Variants in PCDHGB3 observed in about 807,000 individuals in gnomAD.
The protein encoded by PCDHGB3 is protocadherin gamma subfamily B, 3.
Under a neutral mutation model 59.2 loss-of-function variants are expected in PCDHGB3, and 40 were observed. The ratio of observed to expected loss-of-function variants is 0.68; its 90% confidence interval spans 0.52 to 0.88. The LOEUF is 0.88. PCDHGB3 is among the 40% of genes least tolerant of loss of function. The probability of loss-of-function intolerance (pLI) is 0.00; values close to 1 mark genes in which losing one functional copy is unlikely to be tolerated. For missense variants in PCDHGB3, 1,309 were observed against 1,187.9 expected (o/e 1.10, Z -1.50); for synonymous variants, 581 against 503.6 (o/e 1.15, Z -2.06).
rs1591094034 is a variant in PCDHGB3 at position 141,431,659 on chromosome 5, A to T, written c.2415+58850A>T. 3.7e-6 allele frequency: 6 copies of T among 1,614,246 alleles called. No individual in the cohort carries two copies. The highest frequency in any genetic ancestry group is 3.4e-6 in the Non-Finnish European group (4 of 1,180,036). On this transcript the variant is annotated intron_variant, in intron 1 of 3. Coordinates refer to ENST00000576222, the MANE Select transcript of PCDHGB3 (RefSeq NM_018924.5). This position sits in a 1 kb window ranked among gnomAD's most constrained non-coding sequence, Gnocchi z 4.8. ...TCAAACTAGATTGTAATTCAGGGAC[A>T]ATATCAACAATAGGGGAGTTGGACC...
At chr5:141,465,867 A>G (rs1049493106) in intron 1 of PCDHGB3, among the ~76,000 whole-genome samples, 5 of 152,040 alleles carry the variant, frequency 3.3e-5, no homozygotes, top group African/African-American at 9.7e-5. Context: ...TCATGCCTGT[A>G]ATCCCAGCAC....
rs754537015 is a variant in PCDHGB3 at position 141,431,184 on chromosome 5, T to C, written c.2415+58375T>C. The C allele has an allele frequency of 2.5e-6, 4 of 1,614,090 alleles. No individual in the cohort carries two copies. In the South Asian group the frequency reaches 3.3e-5, roughly 13 times the overall value. ...CGTGAAAGTGAATTAGAAATAAAAATTAGTGAAAATGCAGCCACTGAGATG... is the reference window on the plus strand; with the variant it reads ...CGTGAAAGTGAATTAGAAATAAAAACTAGTGAAAATGCAGCCACTGAGATG... On this transcript the variant is annotated intron_variant, in intron 1 of 3. Coordinates refer to ENST00000576222, the MANE Select transcript of PCDHGB3 (RefSeq NM_018924.5). This position sits in a 1 kb window ranked among gnomAD's most constrained non-coding sequence, Gnocchi z 4.8.
chr5:141,432,079 G>A lies in PCDHGB3; in HGVS notation c.2415+59270G>A, dbSNP rs138510025. On this transcript the variant is annotated intron_variant, in intron 1 of 3. Transcript: ENST00000576222. The surrounding 1 kb of genome is among the most constrained non-coding windows in gnomAD (Gnocchi z 6.0). ...TATCCACGGAAACTCATATCTCGCT[G>A]AACGTGGCAGACACCAACGACAACC... 1.6e-4 allele frequency: 252 copies of A among 1,614,054 alleles called. No homozygotes were observed. The highest frequency in any genetic ancestry group is 8.1e-5 in the Non-Finnish European group (96 of 1,180,048).
In PCDHGB3 at chr5:141,432,513, G is replaced by T. The variant is rs755227021; in HGVS notation, c.2415+59704G>T. On this transcript the variant is annotated intron_variant, in intron 1 of 3. Coordinates refer to ENST00000576222, the MANE Select transcript of PCDHGB3 (RefSeq NM_018924.5). The surrounding 1 kb of genome is among the most constrained non-coding windows in gnomAD (Gnocchi z 6.0). ...CTGGCTCCCCGCTCCGCAGAGCCCG[G>T]CTACCTGGTGACCAAGGTGGTGGCG... The T allele has an allele frequency of 3.1e-6, 5 of 1,614,102 alleles. No individual in the cohort carries two copies. Among genetic ancestry groups the T allele is most frequent in the African/African-American group, 2.7e-5 (2 of 75,062 alleles).
chr5:141,410,318 G>C, intron 1 of PCDHGB3: 6 of 1,613,982 alleles, frequency 3.7e-6, no homozygotes, highest in Non-Finnish European at 5.1e-6. Context: ...CTTCCTCCTC[G>C]CCGTGATTCT....
At position 141,397,472 on chromosome 5, in the gene PCDHGB3, A is replaced by T. The variant is rs548612657; in HGVS notation, c.2415+24663A>T. 6.6e-4 allele frequency among the ~76,000 whole-genome samples: 100 copies of T among 152,362 alleles called. 1 individual carries two copies. Among genetic ancestry groups the T allele is most frequent in the African/African-American group, 2.4e-3 (99 of 41,586 alleles). ...AACACTAGAAATATTGGGGAGTTGG[A>T]AATCATAGAAATGAACAGAAGAATG... On this transcript the variant is annotated intron_variant, in intron 1 of 3. Coordinates refer to ENST00000576222, the MANE Select transcript of PCDHGB3 (RefSeq NM_018924.5).
chr5:141,450,092 C>T (rs761677942), intron 1 of PCDHGB3, among the ~76,000 whole-genome samples: 2 of 148,672 alleles, frequency 1.3e-5, no homozygotes, highest in Non-Finnish European at 3.0e-5. Flanking sequence ...CTGCAACCTC[C>T]GCCTCCCAGG....
chr5:141,432,589 G>T lies in PCDHGB3; in HGVS notation c.2415+59780G>T. ...CCTGGCTGTCCTACCGTCTGCTCAA[G>T]GCCAGCGAGCCGGGACTCTTCTCGG... On this transcript the variant is annotated intron_variant, in intron 1 of 3. Transcript: ENST00000576222. The surrounding 1 kb of genome is among the most constrained non-coding windows in gnomAD (Gnocchi z 6.0). 1 of 1,613,916 alleles carries T rather than the reference G, an allele frequency of 6.2e-7. No individual in the cohort carries two copies. Among genetic ancestry groups the T allele is most frequent in the Non-Finnish European group, 8.5e-7 (1 of 1,179,974 alleles).
rs528069305 is a variant in PCDHGB3, at chr5:141,457,143, T to A, written c.2416-37664T>A. Among the ~76,000 whole-genome samples the A allele has an allele frequency of 5.3e-5, 8 of 152,334 alleles. No homozygotes were observed. In the South Asian group the frequency reaches 1.5e-3, roughly 28 times the overall value. On this transcript the variant is annotated intron_variant, in intron 1 of 3. Transcript: ENST00000576222. ...ATGGAAACTCTGTCCAATATTTCAG[T>A]TAGAAGGTGCTACCATGGATAACCC...
At chr5:141,508,096 G>A (rs1489615862) in intron 3 of PCDHGB3, 1 of 152,476 alleles carries the variant, frequency 6.6e-6, no homozygotes, top group African/African-American at 2.4e-5. Context: ...CCTTGGCCCT[G>A]GGATGGGGTA....
At chr5:141,459,218 C>T (rs2098963524) in intron 1 of PCDHGB3, among the ~76,000 whole-genome samples, 1 of 152,220 alleles carries the variant, frequency 6.6e-6, no homozygotes, top group South Asian at 2.1e-4. Context: ...TTCTCCAGCT[C>T]CAGGCAACAA....
rs779317191 is a variant in PCDHGB3, at chr5:141,432,553, C to G, written c.2415+59744C>G. The G allele has an allele frequency of 2.6e-5, 42 of 1,613,748 alleles. No individual in the cohort carries two copies. The highest frequency in any genetic ancestry group is 2.0e-4 in the South Asian group (18 of 91,068). The stretch of plus-strand genomic sequence containing the variant: ...AGGTGGTGGCGGTGGACAGAGACTC[C>G]GGCCAGAACGCCTGGCTGTCCTACC... On this transcript the variant is annotated intron_variant, in intron 1 of 3. Coordinates refer to ENST00000576222, the MANE Select transcript of PCDHGB3 (RefSeq NM_018924.5). The surrounding 1 kb of genome is among the most constrained non-coding windows in gnomAD (Gnocchi z 6.0).
chr5:141,491,901 G>C lies in PCDHGB3; in HGVS notation c.2416-2906G>C, dbSNP rs1196717010. 1 of 1,429,696 alleles carries C rather than the reference G, an allele frequency of 7.0e-7. No homozygotes were observed. The highest frequency in any genetic ancestry group is 9.3e-7 in the Non-Finnish European group (1 of 1,080,148). 88.6% of individuals were successfully genotyped at this position (1,429,696 alleles called of 1,614,324 possible). ...AAGGGATGGGGCTCCGAGCACCGGG[G>C]GTGGTGGCGACTGTGGGCGAGGGGA... On this transcript the variant is annotated intron_variant, in intron 1 of 3. Transcript: ENST00000576222. The surrounding 1 kb of genome is among the most constrained non-coding windows in gnomAD (Gnocchi z 6.9).
At chr5:141,389,998 T>C (rs755639909) in intron 1 of PCDHGB3, 1 of 1,614,046 alleles carries the variant, frequency 6.2e-7, no homozygotes, top group East Asian at 2.2e-5. Context: ...CTCGTGGCCA[T>C]GATTCTGGCC....
chr5:141,431,325 G>C lies in PCDHGB3; in HGVS notation c.2415+58516G>C, dbSNP rs772252181. On this transcript the variant is annotated intron_variant, in intron 1 of 3. Coordinates refer to ENST00000576222, the MANE Select transcript of PCDHGB3 (RefSeq NM_018924.5). The surrounding 1 kb of genome is among the most constrained non-coding windows in gnomAD (Gnocchi z 4.8). Reference sequence around the variant, plus strand: ...ATCGTGCAAAATGGAGCCGACGGTAGTAAGTACCCCGAATTGGTGCTGAAA... The same window carrying C: ...ATCGTGCAAAATGGAGCCGACGGTACTAAGTACCCCGAATTGGTGCTGAAA... 4.3e-6 allele frequency: 7 copies of C among 1,614,144 alleles called. No individual in the cohort carries two copies. In the Admixed American group the frequency reaches 8.3e-5, roughly 19 times the overall value.
At chr5:141,463,629 GTT>G (rs923584581) in intron 1 of PCDHGB3, among the ~76,000 whole-genome samples, 5 of 151,314 alleles carry the variant, frequency 3.3e-5, no homozygotes, top group Middle Eastern at 3.4e-3. Flanking sequence ...TTTGTATTTT[GTT>G]TAGTAGAGAC....
intron 1 of PCDHGB3, chr5:141,384,170 C>A: frequency 6.2e-7 from 1 of 1,613,736 alleles, no homozygotes; most frequent in Non-Finnish European, 8.5e-7. Flanking sequence ...ACACTGAAAG[C>A]CACAGATGGT....
intron 1 of PCDHGB3, chr5:141,392,605 C>CAA: frequency 1.9e-6 from 1 of 514,610 alleles, no homozygotes; most frequent in Non-Finnish European, 3.4e-6. Context: ...TACTGGAAGA[C>CAA]AAATGCAACC....
chr5:141,468,222 G>A lies in PCDHGB3; in HGVS notation c.2416-26585G>A, dbSNP rs560663102. 2.6e-3 allele frequency among the ~76,000 whole-genome samples: 401 copies of A among 151,572 alleles called. 2 individuals are homozygous for A. Among genetic ancestry groups the A allele is most frequent in the South Asian group, 0.02 (97 of 4,782 alleles). ...TGCCTGTAATTCCAGCTACTTGGGA[G>A]GATGAGGTAGGAGAATTGCCTGAAC... On this transcript the variant is annotated intron_variant, in intron 1 of 3. Coordinates refer to ENST00000576222, the MANE Select transcript of PCDHGB3 (RefSeq NM_018924.5).
Sources: gnomAD v4.1 joint callset for allele counts (sites outside exome capture counted in the v4.1 genomes callset) on GRCh38, gnomAD v4.1.1 for gene constraint, Gnocchi (gnomAD v3.1) non-coding constraint, MANE v1.5 for transcripts, NCBI Gene and HGNC (gene_info 2026-07-23, HGNC 2026-07-21) for gene names.